Variants in LRRC8B observed in about 807,000 individuals in gnomAD.
LRRC8B encodes volume-regulated anion channel subunit LRRC8B.
Under a neutral mutation model 58.8 loss-of-function variants are expected in LRRC8B, and 23 were observed. That is an observed-to-expected ratio of 0.39 (90% CI 0.28 to 0.55). The LOEUF is 0.55. LRRC8B is among the 20% of genes least tolerant of loss of function. The probability of loss-of-function intolerance (pLI) is 0.62; values close to 1 mark genes in which losing one functional copy is unlikely to be tolerated. For synonymous variants in LRRC8B, 359 were observed against 374.1 expected (o/e 0.96, Z 0.47); for missense variants, 694 against 936.0 (o/e 0.74, Z 3.37).
chr1:89,593,768 C>T lies in LRRC8B; in HGVS notation c.*725C>T, dbSNP rs144355933. On this transcript the variant is annotated 3_prime_UTR_variant, in exon 6 of 6. Coordinates refer to ENST00000330947, the MANE Select transcript of LRRC8B (RefSeq NM_001369817.2). ...ATATTTATCACCAAGACCATAAACTCATCAATATGAATTTTCTTGATGTAT... is the reference window on the plus strand; with the variant it reads ...ATATTTATCACCAAGACCATAAACTTATCAATATGAATTTTCTTGATGTAT... The T allele has an allele frequency of 6.6e-6, 1 of 152,300 alleles. No individual in the cohort carries two copies. Among genetic ancestry groups the T allele is most frequent in the Admixed American group, 6.5e-5 (1 of 15,304 alleles). The allele number at this position is 152,300 out of a possible 1,614,324, so 9.4% of individuals were successfully genotyped here.
intron 1 of LRRC8B, among the ~76,000 whole-genome samples, chr1:89,541,710 CAAAAAAAAAAAAAAAAAAAAAAAAA>C (rs61714771): frequency 4.7e-4 from 20 of 42,232 alleles, no homozygotes; most frequent in African/African-American, 1.8e-3. Context: ...GACTCCGTCT[CAAAAAAAAAAAAAAAAAAAAAAAAA>C]AAAAAAAAAA....
intron 1 of LRRC8B, among the ~76,000 whole-genome samples, chr1:89,551,696 G>A (rs10493825): frequency 0.19 from 29,177 of 152,128 alleles, 3,502 homozygotes; most frequent in Admixed American, 0.31. Context: ...GAGTGAGGGA[G>A]TAACAAGAAA....
At chr1:89,535,407 G>A (rs1318007990) in intron 1 of LRRC8B, among the ~76,000 whole-genome samples, 1 of 152,038 alleles carries the variant, frequency 6.6e-6, no homozygotes, top group Non-Finnish European at 1.5e-5. Flanking sequence ...CAGGCATGGT[G>A]GCTGGAGCCT....
At chr1:89,563,379 C>T (rs964967082) in intron 1 of LRRC8B, among the ~76,000 whole-genome samples, 1 of 152,114 alleles carries the variant, frequency 6.6e-6, no homozygotes, top group African/African-American at 2.4e-5. Flanking sequence ...GGATTATAGA[C>T]ATTGCATCAA....
intron 1 of LRRC8B, among the ~76,000 whole-genome samples, chr1:89,553,993 G>A (rs1652002417): frequency 6.6e-6 from 1 of 152,010 alleles, no homozygotes; most frequent in Non-Finnish European, 1.5e-5. Flanking sequence ...CTCTCTCCTT[G>A]TAAAAAGATT....
intron 1 of LRRC8B, among the ~76,000 whole-genome samples, chr1:89,565,543 G>A (rs1652982220): frequency 6.6e-6 from 1 of 152,128 alleles, no homozygotes; most frequent in South Asian, 2.1e-4. Flanking sequence ...CCTGCCATGG[G>A]GTGATGGAAA....
chr1:89,584,135 A>G lies in LRRC8B; in HGVS notation c.1485A>G (p.Lys495=), dbSNP rs1370615575. Residue 495 remains lysine (K), a synonymous_variant, in exon 5 of 6, where the codon AAA becomes AAG. Transcript: ENST00000330947. ...LEENLKILRL[K]FTEMGKIPRW... ...AGAATTTAAAAATCCTCCGCCTGAA[A>G]TTTACTGAAATGGGAAAAATCCCAC... is the stretch of plus-strand genomic sequence containing the variant. The G allele has an allele frequency of 2.5e-6, 4 of 1,613,022 alleles. No homozygotes were observed. Among genetic ancestry groups the G allele is most frequent in the Non-Finnish European group, 2.5e-6 (3 of 1,180,030 alleles).
chr1:89,539,043 C>T (rs999159671), intron 1 of LRRC8B, among the ~76,000 whole-genome samples: 2 of 152,116 alleles, frequency 1.3e-5, no homozygotes, highest in Non-Finnish European at 2.9e-5. Context: ...TTTAATACAT[C>T]TGGCTTTAAA....
chr1:89,553,263 G>A (rs1028677649), intron 1 of LRRC8B, among the ~76,000 whole-genome samples: 2 of 152,176 alleles, frequency 1.3e-5, no homozygotes, highest in African/African-American at 4.8e-5. Flanking sequence ...TGTTTGATTA[G>A]GTACCAGTTG....
In LRRC8B at chr1:89,596,673, A is replaced by G. The variant is rs1377619164; in HGVS notation, c.*3630A>G. ...TAGCATCATCCTATGCACATAAGGT[A>G]TGTTGTTTTCCTTCTCCACTCACCT... On this transcript the variant is annotated 3_prime_UTR_variant, in exon 6 of 6. Coordinates refer to ENST00000330947, the MANE Select transcript of LRRC8B (RefSeq NM_001369817.2). The G allele has an allele frequency of 2.0e-5, 3 of 152,094 alleles. No individual in the cohort carries two copies. 9.4% of individuals were successfully genotyped at this position (152,094 alleles called of 1,614,324 possible). A position where few individuals can be genotyped will look rare whatever the true frequency, so the allele number is the denominator to read the frequency against.
intron 4 of LRRC8B, among the ~76,000 whole-genome samples, chr1:89,580,547 G>A (rs1654146713): frequency 6.6e-6 from 1 of 152,076 alleles, no homozygotes; most frequent in African/African-American, 2.4e-5. Context: ...AGTATTTTGA[G>A]GTCTAAGCCC....
In LRRC8B at chr1:89,594,282, C is replaced by T. The variant is rs1256472346; in HGVS notation, c.*1239C>T. ...TGCTCCAAAATGTTTTTGTACTCTGCAACTAATTACTTTTGGATAACAAAA... is the reference window on the plus strand; with the variant it reads ...TGCTCCAAAATGTTTTTGTACTCTGTAACTAATTACTTTTGGATAACAAAA... On this transcript the variant is annotated 3_prime_UTR_variant, in exon 6 of 6. Coordinates refer to ENST00000330947, the MANE Select transcript of LRRC8B (RefSeq NM_001369817.2). 11 of 152,246 alleles carry T rather than the reference C, an allele frequency of 7.2e-5. No homozygotes were observed. Among genetic ancestry groups the T allele is most frequent in the African/African-American group, 2.4e-4 (10 of 41,554 alleles). 9.4% of individuals were successfully genotyped at this position (152,246 alleles called of 1,614,324 possible). A position where few individuals can be genotyped will look rare whatever the true frequency, so the allele number is the denominator to read the frequency against.
intron 5 of LRRC8B, among the ~76,000 whole-genome samples, chr1:89,585,205 G>A (rs900537149): frequency 1.3e-5 from 2 of 152,104 alleles, no homozygotes; most frequent in African/African-American, 4.8e-5. Context: ...ATAACTTCTT[G>A]TTCTAAAATG....
intron 5 of LRRC8B, among the ~76,000 whole-genome samples, chr1:89,592,273 T>G (rs1655033646): frequency 1.3e-5 from 2 of 152,166 alleles, no homozygotes; most frequent in African/African-American, 4.8e-5. Context: ...TTGCTCTGCT[T>G]CTGTAGGCTT....
At chr1:89,559,472 A>G (rs1484692087) in intron 1 of LRRC8B, among the ~76,000 whole-genome samples, 1 of 151,998 alleles carries the variant, frequency 6.6e-6, no homozygotes, top group African/African-American at 2.4e-5. Flanking sequence ...TGTCTCTACA[A>G]AAAAATTAAA....
At chr1:89,542,353 C>T (rs1651064217) in intron 1 of LRRC8B, among the ~76,000 whole-genome samples, 1 of 152,192 alleles carries the variant, frequency 6.6e-6, no homozygotes, top group South Asian at 2.1e-4. Context: ...AATAAAATAA[C>T]TGAGGATTTG....
At chr1:89,590,686 A>G (rs1192518995) in intron 5 of LRRC8B, among the ~76,000 whole-genome samples, 1 of 152,244 alleles carries the variant, frequency 6.6e-6, no homozygotes, top group Non-Finnish European at 1.5e-5. Flanking sequence ...CTTCAGGGTA[A>G]TCACCCAGTA....
chr1:89,540,303 C>T (rs1650861336), intron 1 of LRRC8B, among the ~76,000 whole-genome samples: 1 of 152,178 alleles, frequency 6.6e-6, no homozygotes, highest in South Asian at 2.1e-4. Flanking sequence ...GTGTCCATTA[C>T]ATTGTAGTAT....
At chr1:89,552,191 T>A (rs1157755382) in intron 1 of LRRC8B, among the ~76,000 whole-genome samples, 1 of 152,194 alleles carries the variant, frequency 6.6e-6, no homozygotes, top group African/African-American at 2.4e-5. Flanking sequence ...CATAAGAATA[T>A]TGTACTGTAT....
Sources: allele counts gnomAD v4.1 joint callset (sites outside exome capture counted in the v4.1 genomes callset), GRCh38; gene constraint gnomAD v4.1.1; transcripts MANE v1.5; gene names NCBI Gene and HGNC (gene_info 2026-07-23, HGNC 2026-07-21).